Variants in LMNTD1 observed in about 807,000 individuals in gnomAD.
LMNTD1 encodes lamin tail domain-containing protein 1.
A neutral mutation model predicts 50.9 loss-of-function variants in LMNTD1; 35 were observed. The ratio of observed to expected loss-of-function variants is 0.69; its 90% CI spans 0.53 to 0.91. The LOEUF (loss-of-function observed/expected upper bound fraction) is 0.91. Ranked by LOEUF, LMNTD1 falls within the 40% of genes least tolerant of loss-of-function variation. The probability of loss-of-function intolerance (pLI) is 0.00; values close to 1 mark genes in which losing one functional copy is unlikely to be tolerated. For missense variants in LMNTD1, 470 were observed against 475.5 expected (o/e 0.99, Z 0.11); for synonymous variants, 153 against 161.9 (o/e 0.94, Z 0.42).
At chr12:25,527,719 CATAT>C (rs1234544646) in intron 4 of LMNTD1, among the ~76,000 whole-genome samples, 7 of 123,668 alleles carry the variant, frequency 5.7e-5, no homozygotes, top group Non-Finnish European at 1.0e-4. Flanking sequence ...CACACACACA[CATAT>C]ACACACATAT....
At chr12:25,589,094 C>T (rs964642783) in intron 1 of LMNTD1, among the ~76,000 whole-genome samples, 2 of 152,104 alleles carry the variant, frequency 1.3e-5, no homozygotes, top group African/African-American at 4.8e-5. Flanking sequence ...TACCCATAAC[C>T]CAGCCATTAC....
At chr12:25,628,400 G>T (rs959501) in intron 1 of LMNTD1, among the ~76,000 whole-genome samples, 116,016 of 152,004 alleles carry the variant, frequency 0.76, 44,597 homozygotes, top group African/African-American at 0.79. Context: ...ATTTTCAGTA[G>T]GTTTGTAACA....
At chr12:25,591,850 A>AGAGAGAGG (rs1945708729) in intron 1 of LMNTD1, among the ~76,000 whole-genome samples, 2 of 151,370 alleles carry the variant, frequency 1.3e-5, no homozygotes, top group African/African-American at 4.9e-5. Context: ...AGAGAGAGAG[A>AGAGAGAGG]GAGAGAGACT....
At chr12:25,629,331 G>C (rs1282758673) in intron 1 of LMNTD1, among the ~76,000 whole-genome samples, 2 of 152,150 alleles carry the variant, frequency 1.3e-5, no homozygotes, top group Admixed American at 1.3e-4. Flanking sequence ...CTTTAGATAA[G>C]TGCAAACAAG....
At chr12:25,588,426 C>T (rs1365091695) in intron 1 of LMNTD1, among the ~76,000 whole-genome samples, 1 of 152,072 alleles carries the variant, frequency 6.6e-6, no homozygotes, top group Admixed American at 6.5e-5. Context: ...ATTCTGGACA[C>T]TTCAAGATGA....
chr12:25,606,500 C>T (rs539881232), intron 1 of LMNTD1, among the ~76,000 whole-genome samples: 2 of 152,268 alleles, frequency 1.3e-5, no homozygotes, highest in African/African-American at 4.8e-5. Flanking sequence ...TTTTGAGATA[C>T]ATCCCATCAA....
At chr12:25,501,897 A>G (rs751144202) in intron 9 of LMNTD1, among the ~76,000 whole-genome samples, 1 of 152,190 alleles carries the variant, frequency 6.6e-6, no homozygotes, top group African/African-American at 2.4e-5. Context: ...TTTTGCTCCC[A>G]GTAAGGCTTC....
At chr12:25,504,472 A>G (rs1313965377) in intron 8 of LMNTD1, among the ~76,000 whole-genome samples, 1 of 152,218 alleles carries the variant, frequency 6.6e-6, no homozygotes, top group Non-Finnish European at 1.5e-5. Flanking sequence ...CCAAGTACAA[A>G]TTACTTCTAG....
intron 9 of LMNTD1, among the ~76,000 whole-genome samples, chr12:25,492,729 C>T (rs139263973): frequency 3.9e-5 from 6 of 152,014 alleles, no homozygotes; most frequent in East Asian, 1.9e-4. Flanking sequence ...GAAAAATAAC[C>T]GCTATTTTAT....
intron 8 of LMNTD1, among the ~76,000 whole-genome samples, chr12:25,514,342 T>G (rs1370702841): frequency 2.6e-5 from 4 of 152,076 alleles, no homozygotes; most frequent in Non-Finnish European, 5.9e-5. Flanking sequence ...ATACCATACA[T>G]AAAAACAACT....
At chr12:25,514,143 C>T (rs1705407) in intron 8 of LMNTD1, among the ~76,000 whole-genome samples, 1 of 152,072 alleles carries the variant, frequency 6.6e-6, no homozygotes, top group East Asian at 1.9e-4. Flanking sequence ...AGAATGATTA[C>T]GTACCAATAA....
chr12:25,527,674 A>ATATATATAT (rs1941877258), intron 4 of LMNTD1, among the ~76,000 whole-genome samples: 1 of 21,190 alleles, frequency 4.7e-5, no homozygotes, highest in African/African-American at 1.2e-4. Flanking sequence ...ATATATATAT[A>ATATATATAT]TATATATACA....
chr12:25,622,471 C>CT (rs1472058734), intron 1 of LMNTD1, among the ~76,000 whole-genome samples: 1 of 136,498 alleles, frequency 7.3e-6, no homozygotes, highest in Non-Finnish European at 1.6e-5. Flanking sequence ...GAGCCCGCCC[C>CT]CCCCCGCAAA....
At chr12:25,619,252 C>CTCTCTCTCTCTCTCTCTCTCTATA (rs1374134268) in intron 1 of LMNTD1, among the ~76,000 whole-genome samples, 1 of 84,444 alleles carries the variant, frequency 1.2e-5, no homozygotes, top group Admixed American at 1.1e-4. Flanking sequence ...CTCTCTCTCT[C>CTCTCTCTCTCTCTCTCTCTCTATA]TATATATATA....
At chr12:25,593,476 C>G (rs1274623664) in intron 1 of LMNTD1, among the ~76,000 whole-genome samples, 1 of 152,058 alleles carries the variant, frequency 6.6e-6, no homozygotes, top group Admixed American at 6.6e-5. Flanking sequence ...CACTACAGAT[C>G]AGCTCTCAGG....
intron 1 of LMNTD1, among the ~76,000 whole-genome samples, chr12:25,567,353 C>T (rs1055367399): frequency 1.3e-5 from 2 of 152,176 alleles, no homozygotes; most frequent in African/African-American, 4.8e-5. Context: ...AATACTTCTA[C>T]AATTCAGAGT....
rs144832833 is a variant in LMNTD1, at chr12:25,573,627, GT to G, written c.59-27074del. Reference sequence around the variant, plus strand: ...TGCCCAGGTCCGTGATGCCTATTTTGTTTTTTGCCAGTTCACTAGGAGCAGA... The same window carrying G: ...TGCCCAGGTCCGTGATGCCTATTTTGTTTTTGCCAGTTCACTAGGAGCAGA... On this transcript the variant is annotated intron_variant, in intron 1 of 7. Coordinates refer to the LMNTD1 transcript ENST00000445693. 8.6e-3 allele frequency among the ~76,000 whole-genome samples: 1,303 copies of G among 152,218 alleles called. 17 individuals carry two copies. The highest frequency in any genetic ancestry group is 0.029 in the African/African-American group (1,208 of 41,534).
At chr12:25,641,695 T>G (rs1300788112) in intron 1 of LMNTD1, among the ~76,000 whole-genome samples, 1 of 152,164 alleles carries the variant, frequency 6.6e-6, no homozygotes, top group Non-Finnish European at 1.5e-5. Flanking sequence ...ATATTTCATA[T>G]GTCACATCAA....
intron 2 of LMNTD1, among the ~76,000 whole-genome samples, chr12:25,550,102 G>A (rs1202033377): frequency 6.6e-6 from 1 of 152,100 alleles, no homozygotes; most frequent in East Asian, 1.9e-4. Flanking sequence ...AACTGTACAT[G>A]TTTGTGTGTG....
Sources: allele counts gnomAD v4.1 joint callset (sites outside exome capture counted in the v4.1 genomes callset), GRCh38; gene constraint gnomAD v4.1.1; transcripts MANE v1.5; gene names NCBI Gene and HGNC (gene_info 2026-07-23, HGNC 2026-07-21).